Variants in PIAS2 observed in about 807,000 individuals in gnomAD.
PIAS2 encodes E3 SUMO-protein ligase PIAS2.
Under a neutral mutation model 69.7 loss-of-function variants are expected in PIAS2, and 19 were observed. The observed-to-expected ratio is 0.27, with a 90% CI of 0.19 to 0.40. The LOEUF (loss-of-function observed/expected upper bound fraction) is 0.40. PIAS2 is among the 10% of genes least tolerant of loss of function. PIAS2 has a pLI of 1.00. For synonymous variants in PIAS2, 261 were observed against 263.2 expected (o/e 0.99, Z 0.08); for missense variants, 624 against 757.0 (o/e 0.82, Z 2.06).
chr18:46,884,778 G>A (rs953872415), intron 2 of PIAS2, among the ~76,000 whole-genome samples: 4 of 152,098 alleles, frequency 2.6e-5, no homozygotes, highest in Middle Eastern at 3.2e-3. Context: ...TTAGCCGGGC[G>A]TGGTGGCACA....
chr18:46,815,962 G>T (rs374229173), intron 12 of PIAS2: 1 of 985,274 alleles, frequency 1.0e-6, no homozygotes, highest in Non-Finnish European at 1.2e-6. Context: ...TGTCCAATTC[G>T]ATTTTAGAAA....
intron 2 of PIAS2, among the ~76,000 whole-genome samples, chr18:46,871,603 T>TA (rs1469713146): frequency 1.3e-5 from 2 of 152,184 alleles, no homozygotes; most frequent in Non-Finnish European, 2.9e-5. Flanking sequence ...TTGATAAACT[T>TA]AGAGGTGGGA....
chr18:46,852,445 A>G (rs961565517), intron 5 of PIAS2, among the ~76,000 whole-genome samples: 5 of 152,164 alleles, frequency 3.3e-5, no homozygotes, highest in African/African-American at 1.2e-4. Context: ...ACAACTGCCC[A>G]TGGAGCTGCT....
chr18:46,913,085 T>C (rs1233644971), intron 1 of PIAS2, among the ~76,000 whole-genome samples: 2 of 152,192 alleles, frequency 1.3e-5, no homozygotes, highest in East Asian at 3.8e-4. Flanking sequence ...ATAATAGCTT[T>C]GAATCATATG....
At chr18:46,904,427 T>C (rs1157186078) in intron 1 of PIAS2, among the ~76,000 whole-genome samples, 1 of 152,072 alleles carries the variant, frequency 6.6e-6, no homozygotes, top group African/African-American at 2.4e-5. Context: ...AGAAATTTTT[T>C]AAATTAGGCA....
chr18:46,890,451 G>A (rs895970759), intron 2 of PIAS2, 129 bp downstream of exon 2: 24 of 617,374 alleles, frequency 3.9e-5, no homozygotes, highest in South Asian at 7.7e-5. Flanking sequence ...ATTTTTATCC[G>A]TATATTCAAA....
intron 1 of PIAS2, 169 bp from the exon 2 acceptor site, chr18:46,891,223 G>A (rs557104908): frequency 1.4e-5 from 10 of 692,312 alleles, no homozygotes; most frequent in Non-Finnish European, 1.8e-5. Context: ...AGACAATCCC[G>A]TAAAAATTAC....
intron 2 of PIAS2, among the ~76,000 whole-genome samples, chr18:46,869,106 C>A (rs2049936436): frequency 6.6e-6 from 1 of 152,220 alleles, no homozygotes. Context: ...GAGTCTGGAT[C>A]TGCAGTTCTG....
At chr18:46,891,984 A>G (rs2054142645) in intron 1 of PIAS2, among the ~76,000 whole-genome samples, 1 of 152,148 alleles carries the variant, frequency 6.6e-6, no homozygotes, top group African/African-American at 2.4e-5. Flanking sequence ...AGCAAGAAAG[A>G]GGAAGAACAC....
chr18:46,891,072 AAAAC>A lies in PIAS2; in HGVS notation c.25-22_25-19del. 1 of 1,519,742 alleles carries A rather than the reference AAAAC, an allele frequency of 6.6e-7. No individual in the cohort carries two copies. Among genetic ancestry groups the A allele is most frequent in the Non-Finnish European group, 8.9e-7 (1 of 1,121,186 alleles). The allele number at this position is 1,519,742 out of a possible 1,614,324, so 94.1% of individuals were successfully genotyped here. On this transcript the variant is annotated intron_variant, in intron 1 of 13. Coordinates refer to ENST00000585916, the MANE Select transcript of PIAS2 (RefSeq NM_004671.5). ...ACCATATTCTAAAAGGAAAGAAAAAAAAACATAAGCCAAGTCACCCTCAAGCATA... is the reference window on the plus strand; with the variant it reads ...ACCATATTCTAAAAGGAAAGAAAAAAATAAGCCAAGTCACCCTCAAGCATA...
chr18:46,911,670 C>A (rs2057280750), intron 1 of PIAS2, among the ~76,000 whole-genome samples: 1 of 152,174 alleles, frequency 6.6e-6, no homozygotes, highest in African/African-American at 2.4e-5. Context: ...GATTTTCCTG[C>A]AGAAGCACAG....
rs1446454088 is a variant in PIAS2 at position 46,806,894 on chromosome 18, T to C, written c.*5539A>G. 2 of 152,094 alleles carry C rather than the reference T, an allele frequency of 1.3e-5. No homozygotes were observed. The highest frequency in any genetic ancestry group is 4.8e-5 in the African/African-American group (2 of 41,424). The allele number at this position is 152,094 out of a possible 1,614,324, so 9.4% of individuals were successfully genotyped here. On this transcript the variant is annotated 3_prime_UTR_variant, in exon 14 of 14. Transcript: ENST00000585916. ...GCTTTTTAAAAAAGCCATTCAGAAA[T>C]AGGAAGCAGTTTGGGAAATGATTGT...
intron 2 of PIAS2, among the ~76,000 whole-genome samples, chr18:46,872,129 C>T (rs1282497707): frequency 6.6e-6 from 1 of 152,154 alleles, no homozygotes; most frequent in Non-Finnish European, 1.5e-5. Context: ...TGTATGTCCC[C>T]TTATAATACT....
intron 1 of PIAS2, among the ~76,000 whole-genome samples, chr18:46,900,346 G>A (rs2055614063): frequency 6.6e-6 from 1 of 151,208 alleles, no homozygotes; most frequent in Non-Finnish European, 1.5e-5. Context: ...CTAGGTGACA[G>A]AGTGAGACTC....
chr18:46,824,197 A>C (rs372744626), intron 11 of PIAS2, among the ~76,000 whole-genome samples: 2 of 152,194 alleles, frequency 1.3e-5, no homozygotes, highest in East Asian at 3.9e-4. Context: ...TGGATCAGAG[A>C]ATTGCATGAA....
chr18:46,875,088 G>C (rs2050950917), intron 2 of PIAS2, among the ~76,000 whole-genome samples: 1 of 152,120 alleles, frequency 6.6e-6, no homozygotes, highest in African/African-American at 2.4e-5. Flanking sequence ...AGGTCACCTT[G>C]TCATCTATGT....
At chr18:46,864,841 C>T (rs1375359389) in intron 2 of PIAS2, among the ~76,000 whole-genome samples, 1 of 151,038 alleles carries the variant, frequency 6.6e-6, no homozygotes, top group Non-Finnish European at 1.5e-5. Flanking sequence ...TCATTCTTAA[C>T]TATAATATTA....
At chr18:46,858,883 T>C (rs564042225) in intron 3 of PIAS2, among the ~76,000 whole-genome samples, 47 of 152,180 alleles carry the variant, frequency 3.1e-4, no homozygotes, top group African/African-American at 1.1e-3. Flanking sequence ...GAGATGGCCA[T>C]GCTACTCACC....
Position 46,917,060 on chromosome 18 carries a change from G to C in PIAS2, c.24+262C>G, listed in dbSNP as rs952884713. On this transcript the variant is annotated intron_variant, in intron 1 of 13. Coordinates refer to ENST00000585916, the MANE Select transcript of PIAS2 (RefSeq NM_004671.5). ...CTCCTGGAGGGCGCCCCGACCCCCC[G>C]CGCCAGGTGTGCGGACCACTGGCAG... 16 of 988,100 alleles carry C rather than the reference G, an allele frequency of 1.6e-5. No homozygotes were observed. In the African/African-American group the frequency reaches 2.5e-4, roughly 15 times the overall value. 61.2% of individuals were successfully genotyped at this position (988,100 alleles called of 1,614,324 possible). A position where few individuals can be genotyped will look rare whatever the true frequency, so the allele number is the denominator to read the frequency against.
Sources: gnomAD v4.1 joint callset for allele counts (sites outside exome capture counted in the v4.1 genomes callset) on GRCh38, gnomAD v4.1.1 for gene constraint, MANE v1.5 for transcripts, NCBI Gene and HGNC (gene_info 2026-07-23, HGNC 2026-07-21) for gene names.